Variants in BOLL observed in about 807,000 individuals in gnomAD.
BOLL encodes protein boule-like.
Under a neutral mutation model 44.4 loss-of-function variants are expected in BOLL, and 23 were observed. That is an observed-to-expected ratio of 0.52 (90% CI 0.37 to 0.73). BOLL has a LOEUF of 0.73. BOLL is among the 30% of genes least tolerant of loss of function. The pLI, the probability that BOLL is intolerant of heterozygous loss-of-function variation, is 0.00. For synonymous variants in BOLL, 97 were observed against 110.8 expected, an observed-to-expected ratio of 0.88 and a Z score of 0.78; for missense variants, 287 against 338.3, an observed-to-expected ratio of 0.85 and a Z score of 1.19.
Position 197,758,824 on chromosome 2 carries a change from A to C in BOLL, c.553-1424T>G, listed in dbSNP as rs749048404. ...ATTATGTTAAATATAATATAGCAAG[A>C]AACTGACATATGTTAACATTAAAAA... On this transcript the variant is annotated intron_variant, in intron 7 of 10. Coordinates refer to ENST00000392296, the MANE Select transcript of BOLL (RefSeq NM_033030.6). 1.4e-3 allele frequency: 943 copies of C among 686,172 alleles called. 4 individuals carry two copies. Among genetic ancestry groups the C allele is most frequent in the Middle Eastern group, 3.6e-3 (9 of 2,530 alleles). The allele number at this position is 686,172 out of a possible 1,614,324, so 42.5% of individuals were successfully genotyped here. A position where few individuals can be genotyped will look rare whatever the true frequency, so the allele number is the denominator to read the frequency against.
rs189593134 is a variant in BOLL at position 197,753,317 on chromosome 2, A to C, written c.729+3111T>G. Among the ~76,000 whole-genome samples, 409 of 152,306 alleles carry C rather than the reference A, an allele frequency of 2.7e-3. 3 individuals carry two copies. The highest frequency in any genetic ancestry group is 0.01 in the Middle Eastern group (3 of 294). On this transcript the variant is annotated intron_variant, in intron 9 of 10. Coordinates refer to ENST00000392296, the MANE Select transcript of BOLL (RefSeq NM_033030.6). ...ATCTAATTAGACTAAAGAGCTTCTG[A>C]ACAGCAAAAGAAACTATCATCAGAG... is the stretch of plus-strand genomic sequence containing the variant.
At chr2:197,745,672 T>C (rs1010202167) in intron 9 of BOLL, among the ~76,000 whole-genome samples, 1 of 152,156 alleles carries the variant, frequency 6.6e-6, no homozygotes, top group African/African-American at 2.4e-5. Flanking sequence ...AATGCCATCA[T>C]CAATTAAAGA....
chr2:197,761,521 CA>C (rs1195842061), intron 7 of BOLL, among the ~76,000 whole-genome samples: 22 of 151,914 alleles, frequency 1.4e-4, no homozygotes, highest in Non-Finnish European at 2.4e-4. Context: ...AAAAAATCAC[CA>C]AAAAGAGAGG....
At chr2:197,777,145 T>C (rs752840846) in intron 3 of BOLL, 32 bp from the exon 4 acceptor site, 60 of 1,366,690 alleles carry the variant, frequency 4.4e-5, no homozygotes, top group Non-Finnish European at 4.2e-5. Flanking sequence ...TACTAATTAA[T>C]CATTTTCTTA....
At chr2:197,772,087 G>T in intron 5 of BOLL, 105 bp from the exon 6 acceptor site, 1 of 914,442 alleles carries the variant, frequency 1.1e-6, no homozygotes, top group Non-Finnish European at 1.5e-6. Flanking sequence ...TACCTATGTA[G>T]CTATGGTAAA....
chr2:197,741,742 A>G (rs1017047307), intron 10 of BOLL, among the ~76,000 whole-genome samples: 10 of 152,162 alleles, frequency 6.6e-5, no homozygotes, highest in African/African-American at 9.7e-5. Flanking sequence ...CATTCAGGAC[A>G]TAGGCATGGG....
At chr2:197,747,582 CAAAAAAAAAAA>C (rs59385223) in intron 9 of BOLL, among the ~76,000 whole-genome samples, 1 of 60,178 alleles carries the variant, frequency 1.7e-5, no homozygotes, top group Non-Finnish European at 2.9e-5. Context: ...GACTCGGGCT[CAAAAAAAAAAA>C]AAAAAAAAAA....
chr2:197,742,720 C>T (rs550465123), intron 10 of BOLL, among the ~76,000 whole-genome samples: 69 of 151,846 alleles, frequency 4.5e-4, no homozygotes, highest in Admixed American at 1.2e-3. Flanking sequence ...TGCTAAATGA[C>T]GAGTTAATGG....
In BOLL at chr2:197,773,537, AC is replaced by A. The variant is rs1284774244; in HGVS notation, c.353-1556del. On this transcript the variant is annotated intron_variant, in intron 5 of 10. Transcript: ENST00000392296. ...ACTGAACATTTCAATTATTATGTAT[AC>A]AAAACATATATAAAATTTCTCTCTA... Among the ~76,000 whole-genome samples the A allele has an allele frequency of 2.6e-4, 40 of 152,070 alleles. 1 individual carries two copies. In the South Asian group the frequency reaches 6.8e-3, roughly 26 times the overall value.
intron 10 of BOLL, among the ~76,000 whole-genome samples, chr2:197,731,827 A>G (rs1687197796): frequency 2.0e-5 from 3 of 151,914 alleles, no homozygotes; most frequent in Admixed American, 1.3e-4. Context: ...GTGTAGAGAG[A>G]AATTTATAGC....
At chr2:197,781,137 C>T (rs1689757895) in intron 2 of BOLL, among the ~76,000 whole-genome samples, 1 of 151,734 alleles carries the variant, frequency 6.6e-6, no homozygotes, top group Admixed American at 6.6e-5. Context: ...AGCCTAGTAC[C>T]GAATAGTTAT....
At chr2:197,734,368 C>T (rs915688725) in intron 10 of BOLL, among the ~76,000 whole-genome samples, 2 of 152,116 alleles carry the variant, frequency 1.3e-5, no homozygotes, top group African/African-American at 4.8e-5. Flanking sequence ...GTTGGTGGGA[C>T]TGTAAACCAG....
Position 197,756,415 on chromosome 2 carries a change from G to C in BOLL, c.729+13C>G. On this transcript the variant is annotated intron_variant, in intron 9 of 10. Coordinates refer to ENST00000392296, the MANE Select transcript of BOLL (RefSeq NM_033030.6). The stretch of plus-strand genomic sequence containing the variant: ...GGTAGTTATAGATCAATTACTTTAA[G>C]ACTAATACATACCTCTGGAACTGAA... 1 of 1,588,070 alleles carries C rather than the reference G, an allele frequency of 6.3e-7. No individual in the cohort carries two copies. The highest frequency in any genetic ancestry group is 1.2e-5 in the South Asian group (1 of 86,564).
chr2:197,749,442 T>G (rs1421332977), intron 9 of BOLL, among the ~76,000 whole-genome samples: 1 of 151,944 alleles, frequency 6.6e-6, no homozygotes, highest in African/African-American at 2.4e-5. Context: ...TCTTCCGAGC[T>G]AAAGGCGCAT....
At chr2:197,732,553 A>T (rs1251556354) in intron 10 of BOLL, among the ~76,000 whole-genome samples, 1 of 151,404 alleles carries the variant, frequency 6.6e-6, no homozygotes, top group Non-Finnish European at 1.5e-5. Flanking sequence ...TTGATGCAAA[A>T]ATCCTCAATA....
intron 6 of BOLL, among the ~76,000 whole-genome samples, chr2:197,768,855 G>A (rs1689110717): frequency 6.7e-6 from 1 of 149,696 alleles, no homozygotes; most frequent in Admixed American, 6.7e-5. Context: ...AGTTTATTGA[G>A]AGTTTTTAGC....
intron 10 of BOLL, among the ~76,000 whole-genome samples, chr2:197,733,947 C>A (rs1274091383): frequency 2.0e-5 from 3 of 152,024 alleles, no homozygotes; most frequent in African/African-American, 2.4e-5. Flanking sequence ...GCAACAAAAG[C>A]CAAAATTGAC....
chr2:197,770,897 G>A (rs1372937621), intron 6 of BOLL, among the ~76,000 whole-genome samples: 1 of 152,132 alleles, frequency 6.6e-6, no homozygotes, highest in Admixed American at 6.6e-5. Context: ...TACACTGTTG[G>A]TGGGAGTGTA....
intron 6 of BOLL, among the ~76,000 whole-genome samples, chr2:197,766,868 C>T (rs1453097101): frequency 6.6e-6 from 1 of 151,866 alleles, no homozygotes; most frequent in Non-Finnish European, 1.5e-5. Context: ...TGTACCATCT[C>T]CAAAGATTAT....
Sources: gnomAD v4.1 joint callset for allele counts (sites outside exome capture counted in the v4.1 genomes callset) on GRCh38, gnomAD v4.1.1 for gene constraint, MANE v1.5 for transcripts, NCBI Gene and HGNC (gene_info 2026-07-23, HGNC 2026-07-21) for gene names.